CCDC171: variants seen among roughly 807,000 people sequenced by gnomAD.
CCDC171 encodes coiled-coil domain containing 171, also known as coiled-coil domain-containing protein 171.
In CCDC171, 177 loss-of-function variants were observed where a neutral mutation model predicts 168.2. The observed-to-expected ratio is 1.05, with a 90% CI of 0.93 to 1.19. The LOEUF is 1.19. CCDC171 is among the 50% of genes most tolerant of loss of function. The probability of loss-of-function intolerance (pLI) is 0.00; values close to 1 mark genes in which losing one functional copy is unlikely to be tolerated. For synonymous variants in CCDC171, 687 were observed against 540.8 expected (o/e 1.27, Z -3.75); for missense variants, 1,991 against 1,539.0 (o/e 1.29, Z -4.91).
intron 25 of CCDC171, among the ~76,000 whole-genome samples, chr9:15,959,818 G>GA (rs1830171470): frequency 6.6e-6 from 1 of 152,080 alleles, no homozygotes; most frequent in Non-Finnish European, 1.5e-5. Context: ...TGGACTCTTA[G>GA]AAAAAGGGCC....
At chr9:16,089,450 C>T in the CCDC171 span, among the ~76,000 whole-genome samples, 1 of 151,722 alleles carries the variant, frequency 6.6e-6, no homozygotes, top group Admixed American at 6.6e-5. Flanking sequence ...GAAGTCATTG[C>T]CCATGCCTAT....
chr9:15,851,846 G>A (rs1025143824), intron 23 of CCDC171, among the ~76,000 whole-genome samples: 1 of 151,862 alleles, frequency 6.6e-6, no homozygotes, highest in Non-Finnish European at 1.5e-5. Flanking sequence ...GATTTTAGAT[G>A]TCTGGCTTCT....
chr9:16,032,603 T>C (rs565491166), intron 6 of CCDC171, among the ~76,000 whole-genome samples: 13 of 152,274 alleles, frequency 8.5e-5, no homozygotes, highest in Middle Eastern at 3.4e-3. Flanking sequence ...GATATCCAGG[T>C]TGGCTCCAAG....
intron 3 of CCDC171, among the ~76,000 whole-genome samples, chr9:15,577,057 C>G (rs372676025): frequency 7.6e-4 from 115 of 152,306 alleles, no homozygotes; most frequent in African/African-American, 2.6e-3. Context: ...TGAAAGTCCT[C>G]ATCCTATGTT....
chr9:15,929,313 C>T (rs1055614565), intron 25 of CCDC171, among the ~76,000 whole-genome samples: 10 of 151,672 alleles, frequency 6.6e-5, no homozygotes, highest in African/African-American at 2.4e-4. Context: ...CTGAGTGTCT[C>T]CCCTACTATT....
intron 3 of CCDC171, among the ~76,000 whole-genome samples, chr9:15,574,830 T>C (rs2040509715): frequency 6.6e-6 from 1 of 152,182 alleles, no homozygotes; most frequent in Admixed American, 6.5e-5. Context: ...GTTAATTTAT[T>C]TTTCTGAGCT....
chr9:16,040,329 T>G (rs566251140), upstream of CCDC171, among the ~76,000 whole-genome samples: 7 of 152,306 alleles, frequency 4.6e-5, no homozygotes, highest in African/African-American at 1.4e-4. Flanking sequence ...TGCAGATTGA[T>G]GGACTGTCAT....
At chr9:15,822,463 C>T (rs1247428744) in intron 21 of CCDC171, among the ~76,000 whole-genome samples, 1 of 151,990 alleles carries the variant, frequency 6.6e-6, no homozygotes, top group Admixed American at 6.6e-5. Context: ...CCAGAATCTA[C>T]AATGAACTCA....
At chr9:15,947,570 A>G (rs1031080573) in intron 25 of CCDC171, among the ~76,000 whole-genome samples, 2 of 152,058 alleles carry the variant, frequency 1.3e-5, no homozygotes, top group Non-Finnish European at 2.9e-5. Flanking sequence ...ATAATATTCC[A>G]TTGTATGTAT....
At chr9:15,776,573 T>A (rs938107094) in intron 18 of CCDC171, among the ~76,000 whole-genome samples, 2 of 152,224 alleles carry the variant, frequency 1.3e-5, no homozygotes, top group Non-Finnish European at 2.9e-5. Context: ...ACATAGATTT[T>A]AAAATTTGTC....
At chr9:15,762,775 T>C (rs934693817) in intron 18 of CCDC171, among the ~76,000 whole-genome samples, 8 of 152,338 alleles carry the variant, frequency 5.3e-5, no homozygotes, top group Non-Finnish European at 1.0e-4. Context: ...TCTTTTCACC[T>C]GTTTTGGAGT....
At chr9:15,873,385 C>T (rs1163826489) in intron 23 of CCDC171, among the ~76,000 whole-genome samples, 1 of 151,938 alleles carries the variant, frequency 6.6e-6, no homozygotes, top group Non-Finnish European at 1.5e-5. Flanking sequence ...TTGGATAAAA[C>T]TAGAGATAGA....
intron 25 of CCDC171, among the ~76,000 whole-genome samples, chr9:15,952,526 T>G (rs1463676126): frequency 6.6e-6 from 1 of 152,092 alleles, no homozygotes; most frequent in African/African-American, 2.4e-5. Flanking sequence ...GCCTCCCAAG[T>G]AGGTGGGACT....
At position 16,044,571 on chromosome 9, in the gene CCDC171, GGAATTCTCTGCAAGTGATACATCCTGTAA is replaced by G. The variant is rs1833626760; in HGVS notation, n.89+1686_89+1714del. Among the ~76,000 whole-genome samples the G allele has an allele frequency of 3.3e-5, 5 of 149,872 alleles. No individual in the cohort carries two copies. In the South Asian group the frequency reaches 1.0e-3, roughly 31 times the overall value. On this transcript the variant is annotated intron_variant and non_coding_transcript_variant, in intron 1 of 1. Coordinates refer to the CCDC171 transcript ENST00000478913. ...TTGGTTCTTTGAGTATGTTGTGGAAGGAATTCTCTGCAAGTGATACATCCTGTAACTGTAGGCAGATGTAATCCCCTGGC... is the reference window on the plus strand; with the variant it reads ...TTGGTTCTTTGAGTATGTTGTGGAAGCTGTAGGCAGATGTAATCCCCTGGC...
chr9:15,630,028 C>T (rs548586484), intron 7 of CCDC171, among the ~76,000 whole-genome samples: 5 of 152,160 alleles, frequency 3.3e-5, no homozygotes, highest in African/African-American at 9.7e-5. Flanking sequence ...CTGAAGGAAG[C>T]ACTAAACATG....
chr9:15,780,937 C>T (rs754419488), intron 20 of CCDC171, among the ~76,000 whole-genome samples: 1 of 152,024 alleles, frequency 6.6e-6, no homozygotes, highest in African/African-American at 2.4e-5. Context: ...TCTTTTGAAG[C>T]ATGTCTCTCC....
At chr9:15,985,144 A>G (rs940312513) in intron 3 of CCDC171, among the ~76,000 whole-genome samples, 1 of 152,168 alleles carries the variant, frequency 6.6e-6, no homozygotes, top group Non-Finnish European at 1.5e-5. Flanking sequence ...TAAAGACAGC[A>G]GAGGAACATT....
chr9:15,744,373 T>G lies in CCDC171; in HGVS notation c.2150T>G (p.Leu717Ter). 6.2e-7 allele frequency: 1 copy of G among 1,614,186 alleles called. No homozygotes were observed. Among genetic ancestry groups the G allele is most frequent in the Non-Finnish European group, 8.5e-7 (1 of 1,180,016 alleles). ...GAAAATTCGCACTTCAAAAAACTGTTATCACAGACTCAAAGGGAACAGATG... is the reference window on the plus strand; with the variant it reads ...GAAAATTCGCACTTCAAAAAACTGTGATCACAGACTCAAAGGGAACAGATG... Reference protein sequence around the residue: ...VLENSHFKKLLSQTQREQMSL... With the variant: ...VLENSHFKKL The change falls in exon 17 of 26, where the codon TTA (leucine) becomes TGA (stop). Residue 717 changes from leucine (L) to a stop codon, truncating the protein, a stop_gained. Coordinates refer to ENST00000380701, the MANE Select transcript of CCDC171 (RefSeq NM_173550.4). LOFTEE classifies it high-confidence loss of function.
rs959243802 is a variant in CCDC171 at position 15,602,526 on chromosome 9, A to G, written c.675+8354A>G. Among the ~76,000 whole-genome samples the G allele has an allele frequency of 1.6e-4, 25 of 151,678 alleles. 1 individual carries two copies. The highest frequency in any genetic ancestry group is 7.9e-4 in the Admixed American group (12 of 15,236). On this transcript the variant is annotated intron_variant, in intron 6 of 25. Coordinates refer to ENST00000380701, the MANE Select transcript of CCDC171 (RefSeq NM_173550.4). Reference sequence around the variant, plus strand: ...GCCATATTCTTTTTCTTTCTTGGAGATTGGAGCACTAAATAGAGGTGTCCT... The same window carrying G: ...GCCATATTCTTTTTCTTTCTTGGAGGTTGGAGCACTAAATAGAGGTGTCCT...
Sources: gnomAD v4.1 joint callset for allele counts (sites outside exome capture counted in the v4.1 genomes callset) on GRCh38, gnomAD v4.1.1 for gene constraint, MANE v1.5 for transcripts, NCBI Gene and HGNC (gene_info 2026-07-23, HGNC 2026-07-21) for gene names.